Variants in CEP72 observed in about 807,000 individuals in gnomAD.
CEP72 encodes centrosomal protein of 72 kDa.
Under a neutral mutation model 65.7 loss-of-function variants are expected in CEP72, and 78 were observed. That is an observed-to-expected ratio of 1.19 (90% CI 0.99 to 1.43). The LOEUF (loss-of-function observed/expected upper bound fraction) is 1.43. CEP72 is among the 40% of genes most tolerant of loss of function. The pLI, the probability that CEP72 is intolerant of heterozygous loss-of-function variation, is 0.00. For synonymous variants in CEP72, 358 were observed against 351.7 expected (o/e 1.02, Z -0.20); for missense variants, 914 against 832.9 (o/e 1.10, Z -1.20).
chr5:664,769 A>G, intron 2 of CEP72: 1 of 267,114 alleles, frequency 3.7e-6, no homozygotes, highest in Non-Finnish European at 7.2e-6. Flanking sequence ...TCCTGTTGCC[A>G]TGACAGCCAG....
At chr5:655,756 A>G (rs1342062543), downstream of CEP72, among the ~76,000 whole-genome samples, 1 of 152,192 alleles carries the variant, frequency 6.6e-6, no homozygotes. The surrounding 1 kb of genome is among the most constrained non-coding windows in gnomAD (Gnocchi z 5.0). Context: ...TAAAGTACCT[A>G]TTCAAGTATT....
intron 3 of CEP72, among the ~76,000 whole-genome samples, chr5:620,570 C>T (rs762575543): frequency 2.6e-4 from 40 of 152,198 alleles, no homozygotes; most frequent in Non-Finnish European, 3.8e-4. Flanking sequence ...GACTTGGGCA[C>T]GTTCCTGAAC....
intron 5 of CEP72, among the ~76,000 whole-genome samples, chr5:634,441 G>A (rs1025198172): frequency 2.6e-5 from 4 of 152,252 alleles, no homozygotes; most frequent in Admixed American, 2.6e-4. Flanking sequence ...TCCGCTGTGA[G>A]TTTCTGAGAA....
chr5:660,661 A>G (rs7433), downstream of CEP72: 59,410 of 152,194 alleles, frequency 0.39, 11,797 homozygotes, highest in East Asian at 0.45. Flanking sequence ...GGGCCAAGGC[A>G]TCTCCATCTC....
Position 620,168 on chromosome 5 carries a change from G to A in CEP72, c.310G>A (p.Val104Met), listed in dbSNP as rs752843666. ...TCGGCTCCACGCCTTAACCGAGCTC[G>A]TGGATGTGGACTTCCGGCTGAACCC... ...VFRLHALTEL[V>M]DVDFRLNPVV... Residue 104 changes from valine to methionine, a missense_variant, in exon 3 of 12, where the codon GTG (valine) becomes ATG (methionine). Val to Met is a conservative substitution (Grantham distance 21, BLOSUM62 1). Transcript: ENST00000264935. The A allele has an allele frequency of 1.9e-5, 30 of 1,614,070 alleles. No homozygotes were observed. The East Asian group carries it at 3.3e-4, about 18-fold the overall frequency.
rs532886970 is a variant in CEP72 at position 638,992 on chromosome 5, G to A, written c.1207-97G>A. On this transcript the variant is annotated intron_variant, in intron 7 of 11. Coordinates refer to ENST00000264935, the MANE Select transcript of CEP72 (RefSeq NM_018140.4). ...CCTCAGGGCACCTGTCCTCCCCTTC[G>A]TGGTGCGAGGGCATCCCAGGGTGCG... 2.5e-3 allele frequency: 3,822 copies of A among 1,501,782 alleles called. 11 individuals carry two copies. The highest frequency in any genetic ancestry group is 3.1e-3 in the Non-Finnish European group (3,433 of 1,090,572). The allele number at this position is 1,501,782 out of a possible 1,614,324, so 93.0% of individuals were successfully genotyped here. A position where few individuals can be genotyped will look rare whatever the true frequency, so the allele number is the denominator to read the frequency against.
intron 4 of CEP72, among the ~76,000 whole-genome samples, chr5:627,533 C>T (rs1004700619): frequency 6.6e-6 from 1 of 152,112 alleles, no homozygotes; most frequent in Non-Finnish European, 1.5e-5. Flanking sequence ...TGGCTGTTTT[C>T]CTGCACAGTT....
chr5:643,914 G>C lies in CEP72; in HGVS notation c.1540-385G>C, dbSNP rs73734344. ...ACCGGTGCCTCACACTGGCACCAAG[G>C]CCTGGGGCTCGCAGTGTCCGTGAGG... On this transcript the variant is annotated intron_variant, in intron 9 of 11. Coordinates refer to ENST00000264935, the MANE Select transcript of CEP72 (RefSeq NM_018140.4). Among the ~76,000 whole-genome samples the C allele has an allele frequency of 9.7e-3, 1,471 of 152,356 alleles. 27 individuals are homozygous for C. Among genetic ancestry groups the C allele is most frequent in the African/African-American group, 0.034 (1,411 of 41,584 alleles).
intron 4 of CEP72, among the ~76,000 whole-genome samples, chr5:666,450 C>T (rs1322107956): frequency 4.6e-5 from 7 of 152,350 alleles, no homozygotes; most frequent in African/African-American, 1.4e-4. Context: ...CAGCCCCGCC[C>T]AGCTGCGCCG....
At chr5:629,529 C>T (rs1473145143) in intron 4 of CEP72, among the ~76,000 whole-genome samples, 1 of 115,992 alleles carries the variant, frequency 8.6e-6, no homozygotes, top group Non-Finnish European at 1.7e-5. Context: ...CTGTCCAGTG[C>T]CGGGATTTGG....
chr5:651,111 G>A (rs865810846), intron 11 of CEP72, among the ~76,000 whole-genome samples: 23 of 67,058 alleles, frequency 3.4e-4, no homozygotes, highest in African/African-American at 7.2e-4. Flanking sequence ...GGACTGTGAG[G>A]TGTGACTGTG....
At chr5:655,091 G>A (rs142940033), downstream of CEP72, among the ~76,000 whole-genome samples, 29 of 152,284 alleles carry the variant, frequency 1.9e-4, no homozygotes, top group African/African-American at 6.5e-4. The surrounding 1 kb of genome is among the most constrained non-coding windows in gnomAD (Gnocchi z 5.0). Context: ...GCTAGGCGGG[G>A]TGGCTCACAC....
chr5:612,616 C>A, intron 1 of CEP72, 173 bp downstream of exon 1: 1 of 985,412 alleles, frequency 1.0e-6, no homozygotes, highest in Non-Finnish European at 1.2e-6. Context: ...GCGACCCACC[C>A]CCCGTGCCCA....
chr5:658,644 GATTTTTTTTTTTTTTTTTTTTTTT>G (rs1368156045), downstream of CEP72, among the ~76,000 whole-genome samples: 44 of 79,472 alleles, frequency 5.5e-4, no homozygotes, highest in African/African-American at 1.9e-3. Context: ...CAGCAAAGCT[GATTTTTTTTTTTTTTTTTTTTTTT>G]TTTTTTTTTT....
At chr5:657,949 C>T (rs1739422543), downstream of CEP72, among the ~76,000 whole-genome samples, 2 of 152,212 alleles carry the variant, frequency 1.3e-5, no homozygotes, top group Admixed American at 6.5e-5. Flanking sequence ...TCCCCTAAGT[C>T]ACAGGGCTGA....
downstream of CEP72, among the ~76,000 whole-genome samples, chr5:654,529 G>A (rs907744370): frequency 1.3e-5 from 2 of 152,100 alleles, no homozygotes; most frequent in African/African-American, 2.4e-5. Flanking sequence ...TCTCTTCCCC[G>A]AAGAGGACTT....
chr5:668,556 C>G (rs1016473186), downstream of CEP72, among the ~76,000 whole-genome samples: 2 of 152,224 alleles, frequency 1.3e-5, no homozygotes, highest in African/African-American at 4.8e-5. Context: ...ATCAAATAAA[C>G]TGCCGGCACC....
At position 620,085 on chromosome 5, in the gene CEP72, C is replaced by G. The variant is rs200340870; in HGVS notation, c.227C>G (p.Thr76Ser). ...LVSLEGIQYL[T>S]ALESLNLYYN... is the part of the protein sequence containing the mutation. Reference sequence around the variant, plus strand: ...TGTTGACAGGGCATTCAGTACCTGACTGCATTGGAGAGTCTCAATCTCTAC... The same window carrying G: ...TGTTGACAGGGCATTCAGTACCTGAGTGCATTGGAGAGTCTCAATCTCTAC... The change falls in exon 3 of 12, where the codon ACT becomes AGT. Residue 76 changes from threonine to serine, a missense_variant. Thr to Ser is a moderately conservative substitution (Grantham distance 58). Transcript: ENST00000264935. 2.2e-4 allele frequency: 357 copies of G among 1,605,654 alleles called. No homozygotes were observed. The highest frequency in any genetic ancestry group is 3.0e-4 in the Non-Finnish European group (349 of 1,172,652).
At position 639,154 on chromosome 5, in the gene CEP72, G is replaced by C. The variant is rs1579990068; in HGVS notation, c.1272G>C (p.Glu424Asp). ...KKTALQAALL[E>D]TLLDLVDRSW... ...CGGCCCTGCAGGCGGCGCTCCTGGA[G>C]ACGCTCTTGGACCTGGTGGACAGGA... The change falls in exon 8 of 12, where the codon GAG becomes GAC. Residue 424 changes from glutamate (E) to aspartate (D), a missense_variant. Physicochemically the swap from Glu to Asp is conservative, Grantham distance 45 (BLOSUM62 2). Coordinates refer to ENST00000264935, the MANE Select transcript of CEP72 (RefSeq NM_018140.4). 1 of 1,612,572 alleles carries C rather than the reference G, an allele frequency of 6.2e-7. No individual in the cohort carries two copies. Among genetic ancestry groups the C allele is most frequent in the East Asian group, 2.2e-5 (1 of 44,840 alleles).
Sources: allele counts gnomAD v4.1 joint callset (sites outside exome capture counted in the v4.1 genomes callset), GRCh38; gene constraint gnomAD v4.1.1; non-coding constraint Gnocchi (gnomAD v3.1); transcripts MANE v1.5; gene names NCBI Gene and HGNC (gene_info 2026-07-23, HGNC 2026-07-21).